Variants in TUBE1 observed in about 807,000 individuals in gnomAD.
The protein encoded by TUBE1 is tubulin epsilon 1.
In TUBE1, 34 loss-of-function variants were observed where a neutral mutation model predicts 53.5. The ratio of observed to expected loss-of-function variants is 0.64; its 90% CI spans 0.48 to 0.85. The LOEUF (loss-of-function observed/expected upper bound fraction) is 0.85. Ranked by LOEUF, TUBE1 falls within the 40% of genes least tolerant of loss-of-function variation. The probability of loss-of-function intolerance (pLI) is 0.00; values close to 1 mark genes in which losing one functional copy is unlikely to be tolerated. For synonymous variants in TUBE1, 177 were observed against 198.4 expected (o/e 0.89, Z 0.91); for missense variants, 532 against 570.5 (o/e 0.93, Z 0.69).
chr6:112,083,662 C>A (rs944080789), intron 4 of TUBE1, among the ~76,000 whole-genome samples: 5 of 152,160 alleles, frequency 3.3e-5, no homozygotes, highest in African/African-American at 1.2e-4. Flanking sequence ...AGTCAAAGAT[C>A]ACTGATCAAA....
At position 112,079,770 on chromosome 6, in the gene TUBE1, T is replaced by C. The variant is rs200348358; in HGVS notation, c.327-16A>G. On this transcript the variant is annotated splice_polypyrimidine_tract_variant and intron_variant, in intron 5 of 11. Transcript: ENST00000368662. The stretch of plus-strand genomic sequence containing the variant: ...ACCCACGGCCCTGAAAATTAGAATA[T>C]GGATTTTAAAAATTCCTTGCATTTA... The C allele has an allele frequency of 8.8e-4, 1,399 of 1,590,044 alleles. 8 individuals are homozygous for C. The highest frequency in any genetic ancestry group is 7.1e-3 in the Middle Eastern group (43 of 6,020).
Position 112,079,627 on chromosome 6 carries a change from T to C in TUBE1, c.448+6A>G. ...CTGTTACAGGCAAATGAGTGAAAAA[T>C]TTTACCTCCTCCCATGGAATGTATT... On this transcript the variant is annotated splice_donor_region_variant and intron_variant, in intron 6 of 11. Transcript: ENST00000368662. The C allele has an allele frequency of 2.5e-6, 4 of 1,610,748 alleles. No homozygotes were observed. The highest frequency in any genetic ancestry group is 3.4e-6 in the Non-Finnish European group (4 of 1,178,558).
intron 10 of TUBE1, 103 bp downstream of exon 10, chr6:112,072,655 G>T: frequency 8.2e-7 from 1 of 1,217,620 alleles, no homozygotes; most frequent in Non-Finnish European, 1.1e-6. Context: ...TCACACTTTA[G>T]TAAGTGGCAC....
intron 5 of TUBE1, 74 bp downstream of exon 5, chr6:112,081,018 G>A (rs1175637461): frequency 2.0e-5 from 19 of 941,100 alleles, no homozygotes; most frequent in Non-Finnish European, 3.2e-5. Flanking sequence ...TTTCGTATCA[G>A]CAGAATCTCA....
intron 7 of TUBE1, 85 bp downstream of exon 7, chr6:112,076,237 G>A: frequency 6.8e-7 from 1 of 1,467,850 alleles, no homozygotes; most frequent in South Asian, 1.4e-5. Context: ...GAAAAGTGAA[G>A]AGAACGTTTC....
chr6:112,075,859 TA>T (rs1397758499), intron 8 of TUBE1, 77 bp downstream of exon 8: 1 of 1,322,780 alleles, frequency 7.6e-7, no homozygotes. Context: ...TTAGAATAAC[TA>T]AAAAATGCTA....
intron 9 of TUBE1, among the ~76,000 whole-genome samples, chr6:112,073,369 G>A (rs1776902392): frequency 6.6e-6 from 1 of 152,132 alleles, no homozygotes; most frequent in Non-Finnish European, 1.5e-5. Flanking sequence ...AAAGGACAAT[G>A]TGAAGCTCTC....
chr6:112,087,060 CT>C, intron 2 of TUBE1, 172 bp downstream of exon 2: 1 of 634,328 alleles, frequency 1.6e-6, no homozygotes, highest in Middle Eastern at 4.4e-4. Flanking sequence ...GGCCAGTGTT[CT>C]TTTAGTTTAG....
chr6:112,075,983 C>G lies in TUBE1; in HGVS notation c.766G>C (p.Asp256His), dbSNP rs1554315976. Reference sequence around the variant, plus strand: ...TTTGCCACAATGTTATTCATTGCATCAAAGGGCTTCTTATGCTGCTTTTTT... The same window carrying G: ...TTTGCCACAATGTTATTCATTGCATGAAAGGGCTTCTTATGCTGCTTTTTT... Reference protein sequence around the residue: ...ALKKQHKKPFDAMNNIVANLL... With the variant: ...ALKKQHKKPFHAMNNIVANLL... The change falls in exon 8 of 12, where the codon GAT (aspartate) becomes CAT (histidine). Residue 256 changes from aspartate (D) to histidine (H), a missense_variant. Transcript: ENST00000368662. The G allele has an allele frequency of 6.2e-7, 1 of 1,613,658 alleles. No individual in the cohort carries two copies. Among genetic ancestry groups the G allele is most frequent in the Non-Finnish European group, 8.5e-7 (1 of 1,179,860 alleles).
intron 6 of TUBE1, chr6:112,077,620 C>T (rs1554316249): frequency 2.0e-5 from 3 of 151,722 alleles, no homozygotes. Context: ...ACTTTAAACA[C>T]CAATGTTCTA....
Position 112,071,045 on chromosome 6 carries a change from T to C in TUBE1, c.*367A>G, listed in dbSNP as rs1776848687. 1 of 151,866 alleles carries C rather than the reference T, an allele frequency of 6.6e-6. No homozygotes were observed. Among genetic ancestry groups the C allele is most frequent in the African/African-American group, 2.4e-5 (1 of 41,420 alleles). The allele number at this position is 151,866 out of a possible 1,614,324, so 9.4% of individuals were successfully genotyped here. A position where few individuals can be genotyped will look rare whatever the true frequency, so the allele number is the denominator to read the frequency against. ...GAATCAGGATAACTTAAATAGAATA[T>C]CAAAATATAAATTATAAATAATTAT... is the stretch of plus-strand genomic sequence containing the variant. On this transcript the variant is annotated 3_prime_UTR_variant, in exon 12 of 12. Transcript: ENST00000368662.
At chr6:112,075,749 T>G (rs1031084058) in intron 8 of TUBE1, 188 bp downstream of exon 8, 1 of 508,524 alleles carries the variant, frequency 2.0e-6, no homozygotes, top group African/African-American at 1.9e-5. Flanking sequence ...TGGAACATAC[T>G]TGGGGAAATG....
rs150820524 is a variant in TUBE1, at chr6:112,072,012, C to A, written c.1159G>T (p.Val387Leu). 6.2e-7 allele frequency: 1 copy of A among 1,612,510 alleles called. No individual in the cohort carries two copies. Among genetic ancestry groups the A allele is most frequent in the South Asian group, 1.1e-5 (1 of 90,930 alleles). Residue 387 changes from valine (V) to leucine (L), a missense_variant, in exon 11 of 12, where the codon GTA (valine) becomes TTA (leucine). Physicochemically the swap from Val to Leu is conservative, Grantham distance 32. Transcript: ENST00000368662. ...GAATGAGAATGGCCCACAGGAGGTA[C>A]GGAACACAGGCTGGTCTTCCAGCCT... ...QEGWKTSLCS[V>L]PPVGHSHSLL...
chr6:112,084,163 T>C, intron 4 of TUBE1, 26 bp downstream of exon 4: 1 of 1,542,196 alleles, frequency 6.5e-7, no homozygotes, highest in African/African-American at 1.4e-5. Flanking sequence ...ACATGTAATA[T>C]AAGAATCCAA....
intron 8 of TUBE1, 134 bp from the exon 9 acceptor site, chr6:112,074,984 C>A: frequency 2.4e-6 from 1 of 422,360 alleles, no homozygotes; most frequent in Admixed American, 4.6e-5. Context: ...ACATGCTTTT[C>A]TTCCATATTA....
At chr6:112,086,731 T>C (rs1777164012) in intron 2 of TUBE1, 123 bp from the exon 3 acceptor site, 1 of 637,588 alleles carries the variant, frequency 1.6e-6, no homozygotes, top group Admixed American at 3.0e-5. Context: ...AAAAACCAAG[T>C]ATCACAAAAT....
intron 7 of TUBE1, 84 bp downstream of exon 7, chr6:112,076,238 A>G: frequency 6.8e-7 from 1 of 1,466,418 alleles, no homozygotes; most frequent in East Asian, 2.3e-5. Context: ...AAAAGTGAAG[A>G]GAACGTTTCA....
chr6:112,078,750 T>C (rs1777017720), intron 6 of TUBE1: 1 of 152,064 alleles, frequency 6.6e-6, no homozygotes, highest in Admixed American at 6.5e-5. Flanking sequence ...AGGTTAATTA[T>C]ACTAGCACAG....
intron 3 of TUBE1, chr6:112,085,519 G>T: frequency 5.5e-6 from 2 of 366,300 alleles, no homozygotes; most frequent in Non-Finnish European, 1.1e-5. Context: ...CAAGAGAAGC[G>T]CCGGAAAGGA....
Sources: allele counts gnomAD v4.1 joint callset (sites outside exome capture counted in the v4.1 genomes callset), GRCh38; gene constraint gnomAD v4.1.1; transcripts MANE v1.5; gene names NCBI Gene and HGNC (gene_info 2026-07-23, HGNC 2026-07-21).